Variants in CADM2 observed in about 807,000 individuals in gnomAD.
CADM2 encodes the protein cell adhesion molecule 2.
Under a neutral mutation model 49.8 loss-of-function variants are expected in CADM2, and 12 were observed. The observed-to-expected ratio is 0.24, with a 90% confidence interval of 0.15 to 0.39. The LOEUF is 0.39. Ranked by LOEUF, CADM2 falls within the 10% of genes least tolerant of loss-of-function variation. The pLI, the probability that CADM2 is intolerant of heterozygous loss-of-function variation, is 1.00. For synonymous variants in CADM2, 214 were observed against 175.4 expected (o/e 1.22, Z -1.74); for missense variants, 378 against 492.3 (o/e 0.77, Z 2.20).
rs117688317 is a variant in CADM2 at position 85,752,059 on chromosome 3, G to A, written c.88+25511G>A. On this transcript the variant is annotated intron_variant, in intron 2 of 9. Transcript: ENST00000383699. The stretch of plus-strand genomic sequence containing the variant: ...ACAAAGAGATGTTTAACAAAGAAGT[G>A]GATAGTGTATAGGAAAAGAAACAGT... Among the ~76,000 whole-genome samples, 23 of 149,204 alleles carry A rather than the reference G, an allele frequency of 1.5e-4. No homozygotes were observed. In the East Asian group the frequency reaches 4.5e-3, roughly 29 times the overall value.
intron 1 of CADM2, among the ~76,000 whole-genome samples, chr3:85,332,374 G>A (rs1286194910): frequency 1.3e-5 from 2 of 151,892 alleles, no homozygotes; most frequent in Admixed American, 6.6e-5. Flanking sequence ...ATGCATTAGA[G>A]GAATATATTA....
intron 1 of CADM2, among the ~76,000 whole-genome samples, chr3:85,229,713 G>C (rs1401406284): frequency 2.6e-5 from 4 of 152,190 alleles, no homozygotes; most frequent in Non-Finnish European, 5.9e-5. Flanking sequence ...AAGATGGGCA[G>C]GTAATTGAGG....
intron 1 of CADM2, among the ~76,000 whole-genome samples, chr3:85,176,743 T>A (rs567762969): frequency 6.6e-6 from 1 of 152,290 alleles, no homozygotes; most frequent in African/African-American, 2.4e-5. Context: ...ATGAAACTAC[T>A]ACAAAAGATA....
chr3:85,175,301 C>T (rs2040749688), intron 1 of CADM2, among the ~76,000 whole-genome samples: 1 of 152,088 alleles, frequency 6.6e-6, no homozygotes, highest in African/African-American at 2.4e-5. Flanking sequence ...AAAGCTAGGA[C>T]TTTCTCAGAT....
At chr3:85,406,656 G>A (rs745619820) in intron 1 of CADM2, among the ~76,000 whole-genome samples, 11 of 152,006 alleles carry the variant, frequency 7.2e-5, no homozygotes, top group Non-Finnish European at 1.5e-4. Flanking sequence ...TATTCTCTGC[G>A]TTAGTAAAAT....
intron 2 of CADM2, among the ~76,000 whole-genome samples, chr3:85,797,854 G>A (rs1215263242): frequency 6.6e-6 from 1 of 152,134 alleles, no homozygotes; most frequent in Non-Finnish European, 1.5e-5. Context: ...CACAATGGTT[G>A]AGCTAATTTC....
intron 2 of CADM2, among the ~76,000 whole-genome samples, chr3:85,761,313 C>G (rs1254281286): frequency 1.3e-5 from 2 of 150,952 alleles, no homozygotes; most frequent in Admixed American, 1.3e-4. Flanking sequence ...TATTGATCAA[C>G]CTAAGTAAAA....
At chr3:84,971,294 A>G (rs1035512583) in intron 1 of CADM2, among the ~76,000 whole-genome samples, 2 of 152,174 alleles carry the variant, frequency 1.3e-5, no homozygotes, top group African/African-American at 4.8e-5. Context: ...GTTGCACAAA[A>G]AGTATTGATT....
At chr3:85,873,701 A>T (rs1711498982) in intron 3 of CADM2, among the ~76,000 whole-genome samples, 1 of 152,138 alleles carries the variant, frequency 6.6e-6, no homozygotes, top group South Asian at 2.1e-4. Context: ...TTTAAAAAGT[A>T]GGATGTCATT....
intron 2 of CADM2, among the ~76,000 whole-genome samples, chr3:85,795,906 C>G (rs2071592512): frequency 6.6e-6 from 1 of 152,174 alleles, no homozygotes; most frequent in South Asian, 2.1e-4. Context: ...TCAGAACAAA[C>G]TCCAAATGGT....
At chr3:85,979,986 T>G (rs552925927) in intron 8 of CADM2, among the ~76,000 whole-genome samples, 14 of 151,378 alleles carry the variant, frequency 9.2e-5, no homozygotes, top group Admixed American at 5.3e-4. Context: ...AGTAACTATG[T>G]TGTGGTTGAG....
intron 1 of CADM2, among the ~76,000 whole-genome samples, chr3:85,463,987 A>G (rs144522729): frequency 1.3e-5 from 2 of 152,292 alleles, no homozygotes; most frequent in African/African-American, 4.8e-5. Context: ...TCGAAAGATC[A>G]TATATTGCTT....
chr3:85,482,899 T>C (rs1031962399), intron 1 of CADM2, among the ~76,000 whole-genome samples: 13 of 151,700 alleles, frequency 8.6e-5, no homozygotes, highest in African/African-American at 2.9e-4. Flanking sequence ...ATGCTATGTA[T>C]GTTGTAGCAA....
At chr3:85,958,164 G>T (rs372034473) in intron 7 of CADM2, among the ~76,000 whole-genome samples, 5 of 151,898 alleles carry the variant, frequency 3.3e-5, no homozygotes, top group Admixed American at 6.6e-5. Flanking sequence ...CTCAAAAGGA[G>T]ACATTTATGC....
intron 6 of CADM2, among the ~76,000 whole-genome samples, chr3:85,931,625 A>G (rs1181129955): frequency 6.6e-6 from 1 of 152,196 alleles, no homozygotes; most frequent in African/African-American, 2.4e-5. Context: ...GAAGGTAATG[A>G]ATGATTGCCC....
At chr3:85,615,226 A>AG (rs1559944301) in intron 1 of CADM2, among the ~76,000 whole-genome samples, 3 of 151,554 alleles carry the variant, frequency 2.0e-5, no homozygotes, top group African/African-American at 7.3e-5. Context: ...GAGAGAGAGA[A>AG]AGAGAGAAAG....
intron 2 of CADM2, among the ~76,000 whole-genome samples, chr3:85,750,511 T>G (rs1197411369): frequency 6.6e-6 from 1 of 152,138 alleles, no homozygotes; most frequent in African/African-American, 2.4e-5. Flanking sequence ...AGATACAGAA[T>G]AAGGGGTTAT....
intron 3 of CADM2, among the ~76,000 whole-genome samples, chr3:85,822,349 C>T (rs148632385): frequency 0.052 from 7,870 of 151,982 alleles, 571 homozygotes; most frequent in African/African-American, 0.16. Context: ...TTTGGGAGGC[C>T]GAGGCAGGCA....
intron 3 of CADM2, among the ~76,000 whole-genome samples, chr3:85,834,449 A>G (rs1002529707): frequency 7.9e-5 from 12 of 151,674 alleles, no homozygotes; most frequent in Admixed American, 6.6e-4. Context: ...TAAGATAGAC[A>G]TGAGGGTATA....
Sources: allele counts gnomAD v4.1 joint callset (sites outside exome capture counted in the v4.1 genomes callset), GRCh38; gene constraint gnomAD v4.1.1; transcripts MANE v1.5; gene names NCBI Gene and HGNC (gene_info 2026-07-23, HGNC 2026-07-21).